VOPP1: variants seen among roughly 807,000 people sequenced by gnomAD.
VOPP1 encodes the protein WW domain binding protein VOPP1.
VOPP1 carries 8 observed loss-of-function variants against 23.5 expected under a neutral mutation model. The ratio of observed to expected loss-of-function variants is 0.34; its 90% CI spans 0.20 to 0.61. The LOEUF is 0.61. VOPP1 is among the 20% of genes least tolerant of loss of function. The pLI is 0.78. For synonymous variants in VOPP1, 83 were observed against 97.3 expected, an observed-to-expected ratio of 0.85 and a Z score of 0.86; for missense variants, 174 against 238.1, an observed-to-expected ratio of 0.73 and a Z score of 1.77.
chr7:55,571,191 AC>A (rs1191280005), intron 1 of VOPP1, among the ~76,000 whole-genome samples: 2 of 152,196 alleles, frequency 1.3e-5, no homozygotes, highest in Non-Finnish European at 2.9e-5. Flanking sequence ...CCGAACAGAA[AC>A]AGGAAGTCTC....
chr7:55,572,408 C>G lies in VOPP1; in HGVS notation c.-84G>C. The G allele has an allele frequency of 5.0e-6, 5 of 1,008,746 alleles. No homozygotes were observed. Among genetic ancestry groups the G allele is most frequent in the Non-Finnish European group, 6.3e-6 (5 of 798,808 alleles). 62.5% of individuals were successfully genotyped at this position (1,008,746 alleles called of 1,614,324 possible). A position where few individuals can be genotyped will look rare whatever the true frequency, so the allele number is the denominator to read the frequency against. ...TCGGCCCCCGCGCGGGGCGGGCGGG[C>G]AGACTGCAGCCGGGAGCCGTCCCGC... On this transcript the variant is annotated 5_prime_UTR_variant, in exon 1 of 5. Coordinates refer to ENST00000285279, the MANE Select transcript of VOPP1 (RefSeq NM_030796.5).
intron 4 of VOPP1, among the ~76,000 whole-genome samples, chr7:55,456,942 G>A (rs1444733691): frequency 2.0e-5 from 3 of 152,092 alleles, no homozygotes; most frequent in Admixed American, 6.5e-5. Context: ...AGAACTTAAA[G>A]TATAATAATA....
chr7:55,551,989 T>C (rs1797626000), intron 1 of VOPP1, among the ~76,000 whole-genome samples: 1 of 133,542 alleles, frequency 7.5e-6, no homozygotes, highest in African/African-American at 3.0e-5. Flanking sequence ...GCAGTGACCC[T>C]GCAGCCTGGG....
chr7:55,448,072 G>C (rs1431559600), intron 4 of VOPP1, among the ~76,000 whole-genome samples: 1 of 151,990 alleles, frequency 6.6e-6, no homozygotes. Flanking sequence ...GTTGGCAAAG[G>C]CTGGCAGAAT....
chr7:55,466,185 G>C (rs988919526), downstream of VOPP1, among the ~76,000 whole-genome samples: 6 of 152,174 alleles, frequency 3.9e-5, no homozygotes, highest in Non-Finnish European at 5.9e-5. Flanking sequence ...ACAGCCTCCA[G>C]AACTCTAAGA....
intron 1 of VOPP1, among the ~76,000 whole-genome samples, chr7:55,544,581 G>C (rs1479996437): frequency 6.6e-6 from 1 of 152,210 alleles, no homozygotes; most frequent in Non-Finnish European, 1.5e-5. Flanking sequence ...TTCCCAAAAA[G>C]AACACAGCTC....
chr7:55,562,082 G>A (rs998861409), intron 1 of VOPP1: 1 of 702,992 alleles, frequency 1.4e-6, no homozygotes, highest in South Asian at 1.5e-5. Context: ...CTAGGCTCCA[G>A]GTGCAGGTAA....
In VOPP1 at chr7:55,544,505, T is replaced by C. The variant is rs138278648; in HGVS notation, c.55-23375A>G. 2.6e-3 allele frequency among the ~76,000 whole-genome samples: 398 copies of C among 152,306 alleles called. 3 individuals are homozygous for C. Among genetic ancestry groups the C allele is most frequent in the African/African-American group, 7.8e-3 (325 of 41,568 alleles). On this transcript the variant is annotated intron_variant, in intron 1 of 4. Coordinates refer to ENST00000285279, the MANE Select transcript of VOPP1 (RefSeq NM_030796.5). Reference sequence around the variant, plus strand: ...GATGAAAAAAACTTGCGAGAAAAGATAGTGTTTCTTGAAAAGAAAACAGTC... The same window carrying C: ...GATGAAAAAAACTTGCGAGAAAAGACAGTGTTTCTTGAAAAGAAAACAGTC...
intron 4 of VOPP1, among the ~76,000 whole-genome samples, chr7:55,441,686 C>T (rs537767523): frequency 2.3e-4 from 35 of 152,328 alleles, no homozygotes; most frequent in African/African-American, 7.9e-4. Flanking sequence ...TCTGTAGCTG[C>T]GCCCCATCAG....
chr7:55,538,114 C>G (rs964528244), intron 1 of VOPP1, among the ~76,000 whole-genome samples: 1 of 152,254 alleles, frequency 6.6e-6, no homozygotes, highest in African/African-American at 2.4e-5. Flanking sequence ...ACCAGCTGAA[C>G]TGGTGGAAAA....
chr7:55,469,801 G>T (rs544304105), downstream of VOPP1, among the ~76,000 whole-genome samples: 5 of 152,314 alleles, frequency 3.3e-5, no homozygotes, highest in African/African-American at 9.6e-5. Context: ...TGTGTGCACT[G>T]CCCGTCTCCC....
chr7:55,566,165 G>A (rs1798157319), intron 1 of VOPP1, among the ~76,000 whole-genome samples: 1 of 152,214 alleles, frequency 6.6e-6, no homozygotes, highest in Non-Finnish European at 1.5e-5. Flanking sequence ...AAAGGACAAA[G>A]AGAAGCTGGA....
Position 55,537,532 on chromosome 7 carries a change from T to A in VOPP1, c.55-16402A>T, listed in dbSNP as rs777499403. On this transcript the variant is annotated intron_variant, in intron 1 of 4. Coordinates refer to ENST00000285279, the MANE Select transcript of VOPP1 (RefSeq NM_030796.5). ...ATGTGAGCCCGTCCTTCGCATTCTG[T>A]TAGGCGCAAGGATGCAGGCAGCGCA... 1.0e-5 allele frequency: 16 copies of A among 1,535,954 alleles called. No individual in the cohort carries two copies. In the South Asian group the frequency reaches 1.8e-4, roughly 17 times the overall value.
At chr7:55,512,564 C>T (rs1259286865) in intron 2 of VOPP1, among the ~76,000 whole-genome samples, 1 of 152,188 alleles carries the variant, frequency 6.6e-6, no homozygotes, top group East Asian at 1.9e-4. Context: ...ATTGATAAAT[C>T]CAACAAGAAC....
At chr7:55,522,244 G>A (rs529698041) in intron 1 of VOPP1, among the ~76,000 whole-genome samples, 2 of 152,334 alleles carry the variant, frequency 1.3e-5, no homozygotes, top group South Asian at 4.1e-4. Context: ...ACAGTGGCAT[G>A]CCATGGGAGA....
At chr7:55,484,035 G>A (rs1429921689) in intron 4 of VOPP1, among the ~76,000 whole-genome samples, 2 of 152,154 alleles carry the variant, frequency 1.3e-5, no homozygotes, top group Non-Finnish European at 2.9e-5. Context: ...TGGGATTACC[G>A]GCGAGAGCCA....
At chr7:55,556,307 A>G (rs1231543590) in intron 1 of VOPP1, among the ~76,000 whole-genome samples, 1 of 152,208 alleles carries the variant, frequency 6.6e-6, no homozygotes, top group African/African-American at 2.4e-5. Flanking sequence ...TCAAGGCCAC[A>G]GTGAGCCTTG....
intron 4 of VOPP1, among the ~76,000 whole-genome samples, chr7:55,460,904 T>C (rs1298328262): frequency 6.6e-6 from 1 of 152,180 alleles, no homozygotes; most frequent in Non-Finnish European, 1.5e-5. Context: ...TGGCACCATA[T>C]AGTTGGGTTA....
At chr7:55,487,288 G>A (rs1793214014) in intron 4 of VOPP1, among the ~76,000 whole-genome samples, 1 of 152,192 alleles carries the variant, frequency 6.6e-6, no homozygotes, top group Admixed American at 6.5e-5. Flanking sequence ...ATGGCTGCTG[G>A]AAAGGAAGAA....
Sources: allele counts gnomAD v4.1 joint callset (sites outside exome capture counted in the v4.1 genomes callset), GRCh38; gene constraint gnomAD v4.1.1; transcripts MANE v1.5; gene names NCBI Gene and HGNC (gene_info 2026-07-23, HGNC 2026-07-21).